ZNF385B: variants seen among roughly 807,000 people sequenced by gnomAD.
ZNF385B encodes the protein zinc finger protein 533.
A neutral mutation model predicts 39.2 loss-of-function variants in ZNF385B; 23 were observed. The observed-to-expected ratio is 0.59, with a 90% CI of 0.42 to 0.83. ZNF385B has a LOEUF of 0.83. Ranked by LOEUF, ZNF385B falls within the 40% of genes least tolerant of loss-of-function variation. The pLI is 0.00. For synonymous variants in ZNF385B, 205 were observed against 222.6 expected, an observed-to-expected ratio of 0.92 and a Z score of 0.70; for missense variants, 552 against 598.9, an observed-to-expected ratio of 0.92 and a Z score of 0.82.
intron 3 of ZNF385B, among the ~76,000 whole-genome samples, chr2:179,668,585 T>G: frequency 6.6e-6 from 1 of 151,742 alleles, no homozygotes; most frequent in Non-Finnish European, 1.5e-5. Flanking sequence ...GCTCTACAAG[T>G]TCATCTTATC....
At chr2:179,456,486 C>T (rs894800293) in intron 6 of ZNF385B, among the ~76,000 whole-genome samples, 5 of 151,994 alleles carry the variant, frequency 3.3e-5, no homozygotes, top group East Asian at 1.9e-4. Context: ...TGTACCTCAA[C>T]GTAATTTTAA....
chr2:179,845,551 C>G (rs913235846), intron 1 of ZNF385B, among the ~76,000 whole-genome samples: 3 of 152,174 alleles, frequency 2.0e-5, no homozygotes, highest in African/African-American at 7.2e-5. Flanking sequence ...GCATGTCACA[C>G]CTGCCTCACA....
chr2:179,600,577 T>C (rs1235397266), intron 3 of ZNF385B, among the ~76,000 whole-genome samples: 1 of 152,304 alleles, frequency 6.6e-6, no homozygotes, highest in East Asian at 1.9e-4. Context: ...ATCTTCTGGG[T>C]CAAATAATTT....
At chr2:179,687,353 G>A (rs76294362) in intron 3 of ZNF385B, among the ~76,000 whole-genome samples, 3,236 of 151,934 alleles carry the variant, frequency 0.021, 59 homozygotes, top group Non-Finnish European at 0.03. Flanking sequence ...TTTTCTTCTA[G>A]TTCCAGGTCC....
intron 1 of ZNF385B, among the ~76,000 whole-genome samples, chr2:179,830,072 C>A (rs116383409): frequency 6.6e-6 from 1 of 152,200 alleles, no homozygotes; most frequent in Non-Finnish European, 1.5e-5. Flanking sequence ...ATAGGCACCT[C>A]GCCAAAGAAG....
chr2:179,781,367 T>G (rs1704653807), intron 1 of ZNF385B, among the ~76,000 whole-genome samples: 1 of 152,074 alleles, frequency 6.6e-6, no homozygotes, highest in South Asian at 2.1e-4. Context: ...TCACCTGATT[T>G]ATGACAATAC....
At chr2:179,585,760 T>G (rs979906221) in intron 3 of ZNF385B, 7 of 152,182 alleles carry the variant, frequency 4.6e-5, no homozygotes, top group African/African-American at 1.7e-4. Context: ...GGAATCACTT[T>G]CCTCACATCT....
chr2:179,442,274 G>C lies in ZNF385B; in HGVS notation c.*976C>G, dbSNP rs1292435648. The C allele has an allele frequency of 6.6e-6, 1 of 152,578 alleles. No individual in the cohort carries two copies. The highest frequency in any genetic ancestry group is 2.4e-5 in the African/African-American group (1 of 41,436). 9.5% of individuals were successfully genotyped at this position (152,578 alleles called of 1,614,324 possible). On this transcript the variant is annotated 3_prime_UTR_variant, in exon 10 of 10. Transcript: ENST00000410066. ...CATTAGGGAGCCACAAAATTATGTAGCATCATTACAAATGAAAACAGGTTA... is the reference window on the plus strand; with the variant it reads ...CATTAGGGAGCCACAAAATTATGTACCATCATTACAAATGAAAACAGGTTA...
intron 5 of ZNF385B, among the ~76,000 whole-genome samples, chr2:179,518,268 TA>T (rs2058229166): frequency 6.6e-6 from 1 of 152,216 alleles, no homozygotes; most frequent in Non-Finnish European, 1.5e-5. Context: ...GTTGTAATGT[TA>T]TTCTAAAAAA....
chr2:179,531,462 C>T (rs1229818041), intron 4 of ZNF385B, among the ~76,000 whole-genome samples: 1 of 151,858 alleles, frequency 6.6e-6, no homozygotes, highest in Non-Finnish European at 1.5e-5. Flanking sequence ...ATGGCAAAAC[C>T]CCATCTCTAG....
chr2:179,469,602 G>T (rs2052507888), intron 6 of ZNF385B, among the ~76,000 whole-genome samples: 1 of 152,144 alleles, frequency 6.6e-6, no homozygotes, highest in Non-Finnish European at 1.5e-5. Context: ...AAGTGGTGGG[G>T]TACATTTTAC....
At chr2:179,765,755 T>C (rs1703652772) in intron 3 of ZNF385B, among the ~76,000 whole-genome samples, 1 of 152,154 alleles carries the variant, frequency 6.6e-6, no homozygotes, top group Admixed American at 6.5e-5. Context: ...TTGTGGACCC[T>C]GTGAGACAAA....
At chr2:179,564,294 A>G (rs1374422801) in intron 3 of ZNF385B, among the ~76,000 whole-genome samples, 2 of 152,276 alleles carry the variant, frequency 1.3e-5, no homozygotes, top group East Asian at 3.9e-4. Context: ...TTAAGCCTCT[A>G]CGGGGAAAAC....
At chr2:179,526,447 T>G (rs562456466) in intron 4 of ZNF385B, among the ~76,000 whole-genome samples, 82 of 151,356 alleles carry the variant, frequency 5.4e-4, no homozygotes, top group African/African-American at 1.8e-3. Flanking sequence ...AATACAGAAT[T>G]AGCCAGGCAT....
intron 3 of ZNF385B, among the ~76,000 whole-genome samples, chr2:179,742,599 A>G (rs1422637478): frequency 6.6e-6 from 1 of 152,056 alleles, no homozygotes; most frequent in East Asian, 1.9e-4. Context: ...ATTAATAGGA[A>G]GTAGGAAAAA....
intron 4 of ZNF385B, among the ~76,000 whole-genome samples, chr2:179,532,775 A>G (rs915039576): frequency 6.6e-6 from 1 of 152,192 alleles, no homozygotes; most frequent in African/African-American, 2.4e-5. Context: ...TTAGTCAAGA[A>G]TCACCAAATT....
At chr2:179,630,292 T>C (rs553613835) in intron 3 of ZNF385B, among the ~76,000 whole-genome samples, 13 of 152,346 alleles carry the variant, frequency 8.5e-5, no homozygotes, top group Non-Finnish European at 1.8e-4. Context: ...CATAGGTGGC[T>C]GCCACTCTGG....
chr2:179,559,517 C>A (rs990681654), intron 3 of ZNF385B, among the ~76,000 whole-genome samples: 1 of 152,122 alleles, frequency 6.6e-6, no homozygotes, highest in African/African-American at 2.4e-5. Flanking sequence ...CTGCCCCAGC[C>A]CTGTGCATCA....
At chr2:179,835,337 C>T (rs1395750509) in intron 1 of ZNF385B, among the ~76,000 whole-genome samples, 1 of 152,098 alleles carries the variant, frequency 6.6e-6, no homozygotes, top group Non-Finnish European at 1.5e-5. Context: ...TGTAACTTTT[C>T]AAAGTAAAAT....
Sources: allele counts gnomAD v4.1 joint callset (sites outside exome capture counted in the v4.1 genomes callset), GRCh38; gene constraint gnomAD v4.1.1; transcripts MANE v1.5; gene names NCBI Gene and HGNC (gene_info 2026-07-23, HGNC 2026-07-21).